The following PSD3 variants were observed in gnomAD, a reference collection of about 807,000 sequenced individuals.
PSD3 encodes the protein PH and SEC7 domain-containing protein 3.
A neutral mutation model predicts 105.5 loss-of-function variants in PSD3; 49 were observed. That is an observed-to-expected ratio of 0.46 (90% confidence interval 0.37 to 0.59). PSD3 has a LOEUF of 0.59. Among genes scored for constraint, PSD3 ranks in the 20% least tolerant of loss-of-function variants. PSD3 has a pLI of 0.00. For synonymous variants in PSD3, 557 were observed against 457.8 expected (o/e 1.22, Z -2.77); for missense variants, 1,561 against 1,263.8 (o/e 1.24, Z -3.57).
intron 1 of PSD3, among the ~76,000 whole-genome samples, chr8:18,964,510 A>ATT (rs545600473): frequency 0.014 from 2,014 of 145,938 alleles, 58 homozygotes; most frequent in African/African-American, 0.048. Flanking sequence ...AACCTGGAGC[A>ATT]TTTTTTTTTT....
At chr8:18,801,774 G>A (rs970953499) in intron 6 of PSD3, among the ~76,000 whole-genome samples, 1 of 152,028 alleles carries the variant, frequency 6.6e-6, no homozygotes, top group African/African-American at 2.4e-5. Context: ...GTTGCAGTAA[G>A]CTGAGGTCGC....
rs59442601 is a variant in PSD3, at chr8:18,966,865, A to G, written c.22-30723T>C. Among the ~76,000 whole-genome samples the G allele has an allele frequency of 3.3e-5, 5 of 152,214 alleles. No individual in the cohort carries two copies. The East Asian group carries it at 7.7e-4, about 24-fold the overall frequency. On this transcript the variant is annotated intron_variant, in intron 1 of 15. Transcript: ENST00000327040. ...AAATTTTCAAATTAGTCTTAAAATA[A>G]ATGATACCTAAAAGCATGCTGCTTT...
chr8:18,782,677 C>T (rs1269144077), intron 8 of PSD3, among the ~76,000 whole-genome samples: 8 of 152,184 alleles, frequency 5.3e-5, no homozygotes, highest in African/African-American at 1.9e-4. Context: ...GCAGTGGCAA[C>T]AATGGGCTGA....
intron 2 of PSD3, among the ~76,000 whole-genome samples, chr8:18,906,850 AC>A (rs1225247365): frequency 1.3e-5 from 2 of 152,224 alleles, no homozygotes; most frequent in Admixed American, 1.3e-4. Context: ...ACGTAAGATT[AC>A]AATGGAGGCA....
At chr8:18,573,275 GC>G (rs1309691237) in intron 13 of PSD3, among the ~76,000 whole-genome samples, 2 of 152,134 alleles carry the variant, frequency 1.3e-5, no homozygotes, top group African/African-American at 4.8e-5. Flanking sequence ...TTCAAGACCA[GC>G]CTGGCCAACA....
rs551522209 is a variant in PSD3 at position 19,013,554 on chromosome 8, G to A, written c.21+9C>T. The stretch of plus-strand genomic sequence containing the variant: ...CACCCCGCGCCCGCGCCCCGGCCCC[G>A]GAGCTCACCGCTGCGCTCCTTCCTT... On this transcript the variant is annotated intron_variant, in intron 1 of 15. Coordinates refer to ENST00000327040, the MANE Select transcript of PSD3 (RefSeq NM_015310.4). The A allele has an allele frequency of 5.0e-5, 78 of 1,565,812 alleles. No homozygotes were observed. In the South Asian group the frequency reaches 8.3e-4, roughly 17 times the overall value.
At chr8:18,863,285 G>A (rs527504414) in intron 4 of PSD3, among the ~76,000 whole-genome samples, 15 of 152,150 alleles carry the variant, frequency 9.9e-5, no homozygotes, top group East Asian at 1.9e-4. Flanking sequence ...CTGATAAGCC[G>A]GCGAGCGAGA....
intron 3 of PSD3, 89 bp from the exon 4 acceptor site, chr8:18,868,158 GA>G (rs1229753755): frequency 1.5e-6 from 2 of 1,340,532 alleles, no homozygotes; most frequent in African/African-American, 2.9e-5. Context: ...ACAACATTCT[GA>G]AGATCTAACT....
At position 18,807,283 on chromosome 8, in the gene PSD3, A is replaced by G. The variant is rs545798547; in HGVS notation, c.1635-2385T>C. Among the ~76,000 whole-genome samples, 7 of 152,344 alleles carry G rather than the reference A, an allele frequency of 4.6e-5. No individual in the cohort carries two copies. In the South Asian group the frequency reaches 1.4e-3, roughly 32 times the overall value. On this transcript the variant is annotated intron_variant, in intron 4 of 15. Transcript: ENST00000327040. The stretch of plus-strand genomic sequence containing the variant: ...CAGGGCTCCTGGACAACCAGCTGGT[A>G]TAACAAGTAGCTGCAAAGTCTCATA...
chr8:18,816,665 T>G (rs943749376), intron 4 of PSD3, among the ~76,000 whole-genome samples: 1 of 152,224 alleles, frequency 6.6e-6, no homozygotes, highest in African/African-American at 2.4e-5. Flanking sequence ...GCCTTGCCCT[T>G]GTGGACTTTT....
At chr8:18,895,131 T>C (rs185781308) in intron 2 of PSD3, among the ~76,000 whole-genome samples, 11 of 152,320 alleles carry the variant, frequency 7.2e-5, no homozygotes, top group East Asian at 3.9e-4. Context: ...CTCTTGGCAA[T>C]CAAGGAAGCC....
At chr8:19,082,308 C>T (rs1297368656) in intron 1 of PSD3, among the ~76,000 whole-genome samples, 3 of 152,180 alleles carry the variant, frequency 2.0e-5, no homozygotes, top group African/African-American at 4.8e-5. Context: ...TCCATGGGTT[C>T]CCTGGTCCTA....
intron 2 of PSD3, among the ~76,000 whole-genome samples, chr8:18,916,339 TATATATATATAC>T (rs1563416857): frequency 1.5e-4 from 7 of 45,466 alleles, no homozygotes; most frequent in East Asian, 4.1e-4. Context: ...TATATATATA[TATATATATATAC>T]ACACACACAC....
intron 1 of PSD3, among the ~76,000 whole-genome samples, chr8:18,959,087 A>C (rs1028631131): frequency 9.2e-5 from 14 of 151,868 alleles, no homozygotes; most frequent in African/African-American, 3.4e-4. Context: ...CGCTCAGCTA[A>C]TTTTTGTATT....
intron 9 of PSD3, among the ~76,000 whole-genome samples, chr8:18,690,737 G>A (rs912357625): frequency 1.3e-5 from 2 of 152,206 alleles, no homozygotes; most frequent in Non-Finnish European, 1.5e-5. Context: ...TTGGCCCACA[G>A]TGCCGGGCTA....
intron 12 of PSD3, among the ~76,000 whole-genome samples, chr8:18,594,157 T>TTATTATATACATATTATATAATATA (rs1803838735): frequency 3.4e-5 from 2 of 59,434 alleles, no homozygotes; most frequent in Admixed American, 2.8e-4. Context: ...ATAATATATA[T>TTATTATATACATATTATATAATATA]TATTATATAC....
intron 1 of PSD3, among the ~76,000 whole-genome samples, chr8:18,940,882 A>G (rs184411816): frequency 1.3e-4 from 20 of 152,246 alleles, no homozygotes; most frequent in Non-Finnish European, 2.4e-4. Flanking sequence ...AAAACACCCT[A>G]TAACAACAGT....
rs78228333 is a variant in PSD3, at chr8:19,073,017, C to A, written c.324+11189G>T. 2.0e-4 allele frequency among the ~76,000 whole-genome samples: 30 copies of A among 152,210 alleles called. No individual in the cohort carries two copies. In the East Asian group the frequency reaches 5.8e-3, roughly 29 times the overall value. On this transcript the variant is annotated intron_variant, in intron 1 of 1. Transcript: ENST00000521475. The stretch of plus-strand genomic sequence containing the variant: ...GGTCCAGTAGTACGAGGATTTGGGG[C>A]TAGATTTTATTAAAGATAATAAAAT...
Position 18,871,872 on chromosome 8 carries a change from G to C in PSD3, c.992C>G (p.Ser331Cys), listed in dbSNP as rs369733644. ...DFETSLQRTASPDSKESSKVP... is the reference protein window; with the variant it reads ...DFETSLQRTACPDSKESSKVP... ...TTTGGAAGACTCTTTGCTGTCAGGAGAGGCTGTTCTTTGCAGTGATGTCTC... is the reference window on the plus strand; with the variant it reads ...TTTGGAAGACTCTTTGCTGTCAGGACAGGCTGTTCTTTGCAGTGATGTCTC... The change falls in exon 3 of 16, where the codon TCT (serine) becomes TGT (cysteine). Residue 331 changes from serine (S) to cysteine (C), a missense_variant. Physicochemically the swap from Ser to Cys is moderately radical, Grantham distance 112. Coordinates refer to ENST00000327040, the MANE Select transcript of PSD3 (RefSeq NM_015310.4). 3 of 1,614,234 alleles carry C rather than the reference G, an allele frequency of 1.9e-6. No homozygotes were observed. The highest frequency in any genetic ancestry group is 2.2e-5 in the East Asian group (1 of 44,888).
Sources: gnomAD v4.1 joint callset for allele counts (sites outside exome capture counted in the v4.1 genomes callset) on GRCh38, gnomAD v4.1.1 for gene constraint, MANE v1.5 for transcripts, NCBI Gene and HGNC (gene_info 2026-07-23, HGNC 2026-07-21) for gene names.